The following AXL variants were observed in gnomAD, a reference collection of about 807,000 sequenced individuals.
The protein encoded by AXL is AXL receptor tyrosine kinase.
In AXL, 52 loss-of-function variants were observed where a neutral mutation model predicts 104.5. The observed-to-expected ratio is 0.50, with a 90% CI of 0.40 to 0.63. The LOEUF is 0.63. Ranked by LOEUF, AXL falls within the 20% of genes least tolerant of loss-of-function variation. The pLI, the probability that AXL is intolerant of heterozygous loss-of-function variation, is 0.00. For missense variants in AXL, 1,024 were observed against 1,188.5 expected (o/e 0.86, Z 2.04); for synonymous variants, 455 against 473.7 (o/e 0.96, Z 0.51).
At position 41,259,724 on chromosome 19, in the gene AXL, A is replaced by G. The variant is rs2122298769; in HGVS notation, c.2505A>G (p.Gly835=). The G allele has an allele frequency of 6.2e-7, 1 of 1,614,040 alleles. No homozygotes were observed. The highest frequency in any genetic ancestry group is 8.5e-7 in the Non-Finnish European group (1 of 1,179,992). ...DEGGGYPEPP[G]AAGGADPPTQ... The stretch of plus-strand genomic sequence containing the variant: ...GTGGAGGTTATCCTGAACCCCCTGG[A>G]GCTGCAGGAGGAGCTGACCCCCCAA... The change falls in exon 20 of 20, where the codon GGA becomes GGG. Residue 835 remains glycine (G), a synonymous_variant. Transcript: ENST00000301178.
At chr19:41,248,639 T>G in intron 13 of AXL, 30 bp downstream of exon 13, 1 of 1,612,782 alleles carries the variant, frequency 6.2e-7, no homozygotes, top group Non-Finnish European at 8.5e-7. Flanking sequence ...ACACACATCC[T>G]TCTGAACTTC....
At chr19:41,254,566 A>G in intron 17 of AXL, among the ~76,000 whole-genome samples, 1 of 151,940 alleles carries the variant, frequency 6.6e-6, no homozygotes, top group Non-Finnish European at 1.5e-5. Context: ...ATCCCCCAAA[A>G]GCCAGAATAG....
intron 4 of AXL, among the ~76,000 whole-genome samples, chr19:41,224,667 G>A (rs1430095805): frequency 6.6e-6 from 1 of 152,088 alleles, no homozygotes; most frequent in Non-Finnish European, 1.5e-5. Context: ...TTACAGGCGT[G>A]AGCCACTGCT....
chr19:41,261,277 C>T lies in AXL; in HGVS notation c.*1373C>T, dbSNP rs1371417379. ...AAGCATCTAAGTTATAAGACTCTCA[C>T]ACTCAGTTGTGACTAACTAGACACC... On this transcript the variant is annotated 3_prime_UTR_variant, in exon 20 of 20. Coordinates refer to ENST00000301178, the MANE Select transcript of AXL (RefSeq NM_021913.5). The T allele has an allele frequency of 6.6e-6, 1 of 152,598 alleles. No homozygotes were observed. The highest frequency in any genetic ancestry group is 6.5e-5 in the Admixed American group (1 of 15,278). The allele number at this position is 152,598 out of a possible 1,614,324, so 9.5% of individuals were successfully genotyped here.
At chr19:41,220,597 G>A (rs2033771713) in intron 1 of AXL, 39 bp from the exon 2 acceptor site, 3 of 1,514,260 alleles carry the variant, frequency 2.0e-6, no homozygotes, top group Non-Finnish European at 2.7e-6. Flanking sequence ...GGAAGGAGCT[G>A]GGGGGTTCCT....
At chr19:41,220,367 C>T (rs748520278) in intron 1 of AXL, 4 of 424,382 alleles carry the variant, frequency 9.4e-6, no homozygotes, top group African/African-American at 4.0e-5. Context: ...AGGGGCTGGC[C>T]CTGCCAGGCA....
At chr19:41,225,898 T>C (rs181365313) in intron 4 of AXL, among the ~76,000 whole-genome samples, 87 of 152,292 alleles carry the variant, frequency 5.7e-4, no homozygotes, top group African/African-American at 2.0e-3. Flanking sequence ...TCTGTCCCTC[T>C]ATCTGACTCA....
intron 18 of AXL, among the ~76,000 whole-genome samples, 159 bp from the exon 19 acceptor site, chr19:41,257,334 G>A (rs190261418): frequency 2.0e-4 from 31 of 152,186 alleles, no homozygotes; most frequent in Admixed American, 1.7e-3. Context: ...ATCAGCCACC[G>A]CACCCGGCTA....
intron 6 of AXL, among the ~76,000 whole-genome samples, chr19:41,235,597 A>G (rs1040901435): frequency 1.3e-5 from 2 of 152,264 alleles, no homozygotes; most frequent in Admixed American, 6.5e-5. Flanking sequence ...GCACTAGGCT[A>G]AACTGCCTCT....
At chr19:41,232,743 T>C (rs1039912304) in intron 6 of AXL, among the ~76,000 whole-genome samples, 1 of 151,870 alleles carries the variant, frequency 6.6e-6, no homozygotes, top group South Asian at 2.1e-4. Flanking sequence ...AAGTTGGAGA[T>C]GGGGGGTGGA....
chr19:41,230,315 G>A (rs2033956948), intron 4 of AXL, among the ~76,000 whole-genome samples: 1 of 150,314 alleles, frequency 6.7e-6, no homozygotes, highest in Non-Finnish European at 1.5e-5. Context: ...TCTCTGGGGT[G>A]TAAGAATGTG....
chr19:41,235,399 T>TAGATAGAC (rs1555730396), intron 6 of AXL, among the ~76,000 whole-genome samples: 8 of 99,724 alleles, frequency 8.0e-5, no homozygotes, highest in Admixed American at 1.9e-4. Context: ...GATAGATAGA[T>TAGATAGAC]AGATAGATAG....
At chr19:41,234,510 G>A (rs1018008590) in intron 6 of AXL, among the ~76,000 whole-genome samples, 2 of 152,016 alleles carry the variant, frequency 1.3e-5, no homozygotes, top group African/African-American at 4.8e-5. Flanking sequence ...ACTCCAGCTT[G>A]TGTGACAGAG....
At chr19:41,238,361 C>T (rs546837280) in intron 7 of AXL, 109 bp from the exon 8 acceptor site, 32 of 1,535,330 alleles carry the variant, frequency 2.1e-5, no homozygotes, top group Middle Eastern at 2.4e-4. Context: ...GAGGCCTGCA[C>T]GAGTTGCCCA....
In AXL at chr19:41,221,223, A is replaced by C; in HGVS notation, c.386A>C (p.Gln129Pro). Residue 129 changes from glutamine (Q) to proline (P), a missense_variant, in exon 3 of 20, where the codon CAG becomes CCG. By Grantham distance (76) the Gln-to-Pro change is moderately conservative. Coordinates refer to ENST00000301178, the MANE Select transcript of AXL (RefSeq NM_021913.5). ...CTGGGACATCAGACCTTCGTGTCCC[A>C]GCCTGGCTATGTTGGGCTGGAGGGT... Reference protein sequence around the residue: ...VFLGHQTFVSQPGYVGLEGLP... With the variant: ...VFLGHQTFVSPPGYVGLEGLP... The C allele has an allele frequency of 6.2e-7, 1 of 1,614,040 alleles. No individual in the cohort carries two copies. The highest frequency in any genetic ancestry group is 8.5e-7 in the Non-Finnish European group (1 of 1,179,998).
chr19:41,226,250 C>T (rs927968588), intron 4 of AXL, among the ~76,000 whole-genome samples: 1 of 152,188 alleles, frequency 6.6e-6, no homozygotes, highest in African/African-American at 2.4e-5. Context: ...CAGAACCCAC[C>T]TCCAGCCCCA....
At chr19:41,234,800 C>CA (rs1325436753) in intron 6 of AXL, among the ~76,000 whole-genome samples, 1 of 152,154 alleles carries the variant, frequency 6.6e-6, no homozygotes, top group Non-Finnish European at 1.5e-5. Flanking sequence ...GCAGTAAACT[C>CA]CTTCCTGACA....
chr19:41,228,069 T>G (rs1367034091), intron 4 of AXL, among the ~76,000 whole-genome samples: 1 of 152,108 alleles, frequency 6.6e-6, no homozygotes, highest in African/African-American at 2.4e-5. Flanking sequence ...CCTCAAAAAG[T>G]GAAACCTCGG....
At chr19:41,242,315 CTTTTTTTTTTTTTTT>C (rs574315254) in intron 10 of AXL, among the ~76,000 whole-genome samples, 1 of 83,864 alleles carries the variant, frequency 1.2e-5, no homozygotes, top group African/African-American at 6.8e-5. Flanking sequence ...CTGGCACTCT[CTTTTTTTTTTTTTTT>C]TTTTTTTTTT....
Sources: gnomAD v4.1 joint callset for allele counts (sites outside exome capture counted in the v4.1 genomes callset) on GRCh38, gnomAD v4.1.1 for gene constraint, MANE v1.5 for transcripts, NCBI Gene and HGNC (gene_info 2026-07-23, HGNC 2026-07-21) for gene names.